Variants in POLR1A observed in about 807,000 individuals in gnomAD.
POLR1A encodes the protein DNA-directed RNA polymerase I subunit RPA1.
In POLR1A, 84 loss-of-function variants were observed where a neutral mutation model predicts 205.3. The ratio of observed to expected loss-of-function variants is 0.41; its 90% CI spans 0.34 to 0.49. The LOEUF (loss-of-function observed/expected upper bound fraction) is 0.49, where lower values mean the gene tolerates loss of function less well. Among genes scored for constraint, POLR1A ranks in the 20% least tolerant of loss-of-function variants. The probability of loss-of-function intolerance (pLI) is 0.22; values close to 1 mark genes in which losing one functional copy is unlikely to be tolerated. For synonymous variants in POLR1A, 799 were observed against 863.7 expected, an observed-to-expected ratio of 0.93 and a Z score of 1.31; for missense variants, 1,645 against 2,204.5, an observed-to-expected ratio of 0.75 and a Z score of 5.08.
At chr2:86,074,709 G>A (rs549669833) in intron 12 of POLR1A, among the ~76,000 whole-genome samples, 1 of 152,324 alleles carries the variant, frequency 6.6e-6, no homozygotes, top group African/African-American at 2.4e-5. Context: ...CCCCTGGAAA[G>A]CACGGTAAAG....
At chr2:86,089,537 A>G (rs1194881864) in intron 4 of POLR1A, among the ~76,000 whole-genome samples, 4 of 152,220 alleles carry the variant, frequency 2.6e-5, no homozygotes, top group Non-Finnish European at 5.9e-5. Context: ...AGAAGGAAAA[A>G]AAGACCTGCT....
intron 1 of POLR1A, among the ~76,000 whole-genome samples, chr2:86,101,450 C>G (rs1378709873): frequency 6.6e-6 from 1 of 152,164 alleles, no homozygotes; most frequent in East Asian, 1.9e-4. Flanking sequence ...GACAGGGAGG[C>G]AGATCTGCTG....
In POLR1A at chr2:86,088,765, G is replaced by A. The variant is rs753399815; in HGVS notation, c.626+20C>T. 3.1e-6 allele frequency: 5 copies of A among 1,608,018 alleles called. No individual in the cohort carries two copies. The highest frequency in any genetic ancestry group is 1.1e-5 in the South Asian group (1 of 90,960). Reference sequence around the variant, plus strand: ...ACTGCCCAGAGACGTCTCACCTGGCGCAAGGGCCCTGATACTTACTTGCAG... The same window carrying A: ...ACTGCCCAGAGACGTCTCACCTGGCACAAGGGCCCTGATACTTACTTGCAG... On this transcript the variant is annotated intron_variant, in intron 5 of 33. Coordinates refer to ENST00000263857, the MANE Select transcript of POLR1A (RefSeq NM_015425.6).
chr2:86,060,027 C>T (rs879384754), intron 14 of POLR1A, among the ~76,000 whole-genome samples: 3 of 151,972 alleles, frequency 2.0e-5, no homozygotes, highest in Non-Finnish European at 2.9e-5. Flanking sequence ...TAAAGCTTGT[C>T]GAATATAAGG....
At chr2:86,075,445 T>C (rs890237972) in intron 11 of POLR1A, among the ~76,000 whole-genome samples, 185 bp from the exon 12 acceptor site, 12 of 152,206 alleles carry the variant, frequency 7.9e-5, no homozygotes, top group South Asian at 2.1e-4. Context: ...CTTAATGGTA[T>C]AGAGACTAGG....
At chr2:86,071,200 A>C (rs1339119266) in intron 12 of POLR1A, among the ~76,000 whole-genome samples, 1 of 142,944 alleles carries the variant, frequency 7.0e-6, no homozygotes, top group African/African-American at 2.6e-5. Context: ...TTTAAAAACC[A>C]ACCCAGCTTC....
intron 25 of POLR1A, 31 bp downstream of exon 25, chr2:86,040,361 A>G: frequency 6.5e-7 from 1 of 1,549,856 alleles, no homozygotes; most frequent in South Asian, 1.2e-5. Flanking sequence ...GCTAGGACAG[A>G]CCCCACCCTG....
At chr2:86,051,267 T>C (rs564449976) in intron 16 of POLR1A, among the ~76,000 whole-genome samples, 2 of 152,266 alleles carry the variant, frequency 1.3e-5, no homozygotes, top group South Asian at 2.1e-4. Flanking sequence ...CCAAATGTAT[T>C]TGTACTAGAA....
chr2:86,069,647 A>C (rs1389277086), intron 13 of POLR1A, among the ~76,000 whole-genome samples: 1 of 152,218 alleles, frequency 6.6e-6, no homozygotes, highest in African/African-American at 2.4e-5. Flanking sequence ...AAAGGATCAA[A>C]GTCATCAGTG....
chr2:86,055,545 G>T (rs1290565721), intron 14 of POLR1A, among the ~76,000 whole-genome samples: 1 of 152,142 alleles, frequency 6.6e-6, no homozygotes, highest in East Asian at 1.9e-4. Context: ...CACGTCCTGG[G>T]GTGCCTACTT....
At chr2:86,035,481 C>T (rs1026266647) in intron 27 of POLR1A, among the ~76,000 whole-genome samples, 1 of 152,204 alleles carries the variant, frequency 6.6e-6, no homozygotes, top group Non-Finnish European at 1.5e-5. Flanking sequence ...GGCTACTGTG[C>T]AGAGCAGAGG....
chr2:86,039,004 G>T, intron 26 of POLR1A, 147 bp from the exon 27 acceptor site: 2 of 731,874 alleles, frequency 2.7e-6, no homozygotes, highest in Non-Finnish European at 4.5e-6. Flanking sequence ...AGCTATACTG[G>T]TGTGGATCTG....
chr2:86,085,520 AT>A (rs1443136488), intron 6 of POLR1A, among the ~76,000 whole-genome samples: 1 of 152,182 alleles, frequency 6.6e-6, no homozygotes, highest in Non-Finnish European at 1.5e-5. Flanking sequence ...ATTAACCTGC[AT>A]TTTGTGGGCA....
chr2:86,028,031 C>T lies in POLR1A; in HGVS notation c.4916G>A (p.Arg1639His), dbSNP rs747827280. The change falls in exon 33 of 34, where the codon CGC (arginine) becomes CAC (histidine). Residue 1639 changes from arginine to histidine, a missense_variant. This residue lies in a region of POLR1A where 86 missense variants were observed against 149.8 expected (regional missense o/e 0.57). Coordinates refer to ENST00000263857, the MANE Select transcript of POLR1A (RefSeq NM_015425.6). This position sits in a 1 kb window ranked among gnomAD's most constrained non-coding sequence, Gnocchi z 4.5. Reference protein sequence around the residue: ...FAVYGIAVDPRHLSLVADYMC... With the variant: ...FAVYGIAVDPHHLSLVADYMC... The stretch of plus-strand genomic sequence containing the variant: ...ATAATCAGCAACCAGGGAGAGATGG[C>T]GAGGGTCGACCGCGATGCCTGTCAA... The T allele has an allele frequency of 1.1e-4, 171 of 1,614,034 alleles. No homozygotes were observed. Among genetic ancestry groups the T allele is most frequent in the Non-Finnish European group, 1.4e-4 (166 of 1,180,030 alleles).
intron 13 of POLR1A, 164 bp from the exon 14 acceptor site, chr2:86,065,629 C>T (rs1442467697): frequency 6.4e-6 from 4 of 624,484 alleles, no homozygotes; most frequent in East Asian, 2.8e-5. Flanking sequence ...GAGCCAACTG[C>T]TTCCCAAAGC....
Position 86,070,364 on chromosome 2 carries a change from G to A in POLR1A, c.1612-92C>T. On this transcript the variant is annotated intron_variant, in intron 12 of 33. Coordinates refer to ENST00000263857, the MANE Select transcript of POLR1A (RefSeq NM_015425.6). The surrounding 1 kb of genome is among the most constrained non-coding windows in gnomAD (Gnocchi z 4.4). ...GCTCACCTCAGCTTGACCAAGGTGT[G>A]GCTTTTGTCTCACGTTCTAGTTAAC... The A allele has an allele frequency of 2.9e-6, 4 of 1,372,390 alleles. No homozygotes were observed. Among genetic ancestry groups the A allele is most frequent in the Non-Finnish European group, 4.0e-6 (4 of 1,005,652 alleles). The allele number at this position is 1,372,390 out of a possible 1,614,324, so 85.0% of individuals were successfully genotyped here.
chr2:86,100,043 C>T lies in POLR1A; in HGVS notation c.207G>A (p.Gln69=). ...DSKEVCSTCV[Q]DFSNCSGHLG... ...GGTGCCCAGAACAGTTGCTGAAGTC[C>T]TGCACGCAGGTGGAGCACACCTCTT... Residue 69 remains glutamine, a synonymous_variant, in exon 2 of 34, where the codon CAG becomes CAA. Coordinates refer to ENST00000263857, the MANE Select transcript of POLR1A (RefSeq NM_015425.6). 6.2e-7 allele frequency: 1 copy of T among 1,614,182 alleles called. No individual in the cohort carries two copies. The highest frequency in any genetic ancestry group is 1.1e-5 in the South Asian group (1 of 91,076).
Position 86,027,308 on chromosome 2 carries a change from TGTCACTTGGAACTGCCCTGGATTCCA to T in POLR1A, c.*89_*114del. 1.2e-6 allele frequency: 1 copy of T among 848,522 alleles called. No individual in the cohort carries two copies. Among genetic ancestry groups the T allele is most frequent in the Non-Finnish European group, 2.0e-6 (1 of 493,084 alleles). 52.6% of individuals were successfully genotyped at this position (848,522 alleles called of 1,614,324 possible). A position where few individuals can be genotyped will look rare whatever the true frequency, so the allele number is the denominator to read the frequency against. ...CCAAGGTCGCTGCTGTGCTCTGTAC[TGTCACTTGGAACTGCCCTGGATTCCA>T]GTCTCCTGGTCCTCTCATGCAGAAG... On this transcript the variant is annotated 3_prime_UTR_variant, in exon 34 of 34. Transcript: ENST00000263857.
At position 86,030,316 on chromosome 2, in the gene POLR1A, G is replaced by A; in HGVS notation, c.4659C>T (p.Ile1553=). Residue 1553 remains isoleucine, a synonymous_variant, in exon 31 of 34, where the codon ATC becomes ATT. Transcript: ENST00000263857. The part of the protein sequence containing the change: ...LVVSLAHGAV[I]YATKGITRCL... ...ACCGAGTGATGCCCTTGGTCGCATAGATGACGGCACCATGGGCCAAAGATA... is the reference window on the plus strand; with the variant it reads ...ACCGAGTGATGCCCTTGGTCGCATAAATGACGGCACCATGGGCCAAAGATA... 6.2e-7 allele frequency: 1 copy of A among 1,613,966 alleles called. No homozygotes were observed.
Sources: allele counts gnomAD v4.1 joint callset (sites outside exome capture counted in the v4.1 genomes callset), GRCh38; gene constraint gnomAD v4.1.1; regional missense constraint gnomAD v4.1.1; non-coding constraint Gnocchi (gnomAD v3.1); transcripts MANE v1.5; gene names NCBI Gene and HGNC (gene_info 2026-07-23, HGNC 2026-07-21).